Variants in RCAN2 observed in about 807,000 individuals in gnomAD.
RCAN2 encodes the protein regulator of calcineurin 2.
In RCAN2, 9 loss-of-function variants were observed where a neutral mutation model predicts 23.6. The ratio of observed to expected loss-of-function variants is 0.38; its 90% CI spans 0.23 to 0.67. RCAN2 has a LOEUF of 0.67. RCAN2 is among the 30% of genes least tolerant of loss of function. RCAN2 has a pLI of 0.51. For synonymous variants in RCAN2, 109 were observed against 115.7 expected (o/e 0.94, Z 0.37); for missense variants, 273 against 302.3 (o/e 0.90, Z 0.72).
rs1390349839 is a variant in RCAN2 at position 46,221,103 on chromosome 6, T to G, written c.*2038A>C. The G allele has an allele frequency of 6.6e-6, 1 of 152,498 alleles. No individual in the cohort carries two copies. The highest frequency in any genetic ancestry group is 2.4e-5 in the African/African-American group (1 of 41,460). The allele number at this position is 152,498 out of a possible 1,614,324, so 9.4% of individuals were successfully genotyped here. A position where few individuals can be genotyped will look rare whatever the true frequency, so the allele number is the denominator to read the frequency against. On this transcript the variant is annotated 3_prime_UTR_variant, in exon 5 of 5. Coordinates refer to ENST00000371374, the MANE Select transcript of RCAN2 (RefSeq NM_001251974.2). ...CTAACTCCAGAGGCCATACACTTCA[T>G]TGTGTTTCTTTTATGACTACACAGA...
chr6:46,482,673 T>A (rs1427318982), intron 1 of RCAN2, among the ~76,000 whole-genome samples: 3 of 152,190 alleles, frequency 2.0e-5, no homozygotes, highest in Non-Finnish European at 4.4e-5. Flanking sequence ...ATATTTCTAG[T>A]TTTACTCAGA....
rs554990496 is a variant in RCAN2 at position 46,317,048 on chromosome 6, C to T, written c.226-68152G>A. Among the ~76,000 whole-genome samples, 5 of 152,220 alleles carry T rather than the reference C, an allele frequency of 3.3e-5. No individual in the cohort carries two copies. The South Asian group carries it at 8.3e-4, about 25-fold the overall frequency. On this transcript the variant is annotated intron_variant, in intron 2 of 4. Coordinates refer to ENST00000371374, the MANE Select transcript of RCAN2 (RefSeq NM_001251974.2). ...AATATTATTAATATTGCTTTCACTG[C>T]CTCTGCCCTACAATTCTTCACAGAT...
At chr6:46,402,908 A>C (rs1005614550) in intron 2 of RCAN2, among the ~76,000 whole-genome samples, 2 of 151,792 alleles carry the variant, frequency 1.3e-5, no homozygotes, top group Non-Finnish European at 2.9e-5. Flanking sequence ...GCAGACTTTC[A>C]CAGTGCCAAG....
At chr6:46,382,630 C>T (rs1032325007) in intron 2 of RCAN2, among the ~76,000 whole-genome samples, 5 of 152,136 alleles carry the variant, frequency 3.3e-5, no homozygotes, top group Admixed American at 6.6e-5. Context: ...ATAATAAAAG[C>T]GCTCCAATGC....
chr6:46,279,523 T>C (rs531830632), intron 2 of RCAN2, among the ~76,000 whole-genome samples: 30 of 152,350 alleles, frequency 2.0e-4, no homozygotes, highest in African/African-American at 5.8e-4. Context: ...TGTTTGCAGA[T>C]ACTCTCAAAT....
At chr6:46,269,179 A>C (rs1000940043) in intron 2 of RCAN2, among the ~76,000 whole-genome samples, 105 of 152,334 alleles carry the variant, frequency 6.9e-4, no homozygotes, top group African/African-American at 2.5e-3. Flanking sequence ...AGTTGGATAT[A>C]GAATTTCTTG....
At chr6:46,233,721 C>CTTTTTTTTTTTTTTTTT (rs1240948992) in intron 4 of RCAN2, among the ~76,000 whole-genome samples, 2 of 130,770 alleles carry the variant, frequency 1.5e-5, no homozygotes, top group Non-Finnish European at 3.2e-5. Context: ...AAGAACACTT[C>CTTTTTTTTTTTTTTTTT]TTTTTTTTTT....
chr6:46,327,648 G>T (rs933391687), intron 2 of RCAN2, among the ~76,000 whole-genome samples: 1 of 152,112 alleles, frequency 6.6e-6, no homozygotes, highest in East Asian at 1.9e-4. Flanking sequence ...ACAAAGAAAT[G>T]AATATTTTTT....
At chr6:46,326,405 G>T (rs1470216337) in intron 2 of RCAN2, among the ~76,000 whole-genome samples, 1 of 152,158 alleles carries the variant, frequency 6.6e-6, no homozygotes, top group African/African-American at 2.4e-5. Context: ...GATCCTCGGG[G>T]CTTGACTTCA....
chr6:46,391,339 C>T (rs779030298), intron 2 of RCAN2, among the ~76,000 whole-genome samples: 2 of 152,122 alleles, frequency 1.3e-5, no homozygotes, highest in Non-Finnish European at 1.5e-5. Flanking sequence ...TGGAACATAA[C>T]GAGCTCTCAA....
chr6:46,347,404 C>T (rs1034430255), intron 2 of RCAN2, among the ~76,000 whole-genome samples: 2 of 152,060 alleles, frequency 1.3e-5, no homozygotes, highest in African/African-American at 4.8e-5. Flanking sequence ...AATACCATGC[C>T]CTTTACATTA....
intron 1 of RCAN2, among the ~76,000 whole-genome samples, chr6:46,467,843 A>C (rs1326703321): frequency 1.3e-5 from 2 of 152,226 alleles, no homozygotes; most frequent in African/African-American, 4.8e-5. Flanking sequence ...GTACCTCCAC[A>C]GTGAAAAAAT....
At chr6:46,264,685 T>A (rs1412232878) in intron 2 of RCAN2, among the ~76,000 whole-genome samples, 9 of 152,098 alleles carry the variant, frequency 5.9e-5, no homozygotes, top group African/African-American at 2.2e-4. Flanking sequence ...AACATGACAG[T>A]CTACATCTAT....
chr6:46,474,271 A>G (rs1224134136), intron 1 of RCAN2, among the ~76,000 whole-genome samples: 2 of 152,086 alleles, frequency 1.3e-5, no homozygotes. Flanking sequence ...TATTGAGCAA[A>G]TATATACAGA....
chr6:46,402,796 C>T (rs191917217), intron 2 of RCAN2, among the ~76,000 whole-genome samples: 80 of 152,252 alleles, frequency 5.3e-4, no homozygotes, highest in Non-Finnish European at 3.4e-4. Flanking sequence ...ACAGTTTCCC[C>T]CATATCTTTG....
At chr6:46,257,445 T>C (rs1766955814) in intron 2 of RCAN2, among the ~76,000 whole-genome samples, 1 of 152,146 alleles carries the variant, frequency 6.6e-6, no homozygotes, top group Middle Eastern at 3.2e-3. Flanking sequence ...AAAAGAAGTT[T>C]AATTGACTCA....
At chr6:46,368,821 T>A (rs889315435) in intron 2 of RCAN2, among the ~76,000 whole-genome samples, 35 of 152,202 alleles carry the variant, frequency 2.3e-4, no homozygotes, top group Non-Finnish European at 5.0e-4. Context: ...GAACATTCAC[T>A]TTATAAAGTA....
chr6:46,254,717 C>T (rs1013370361), intron 2 of RCAN2, among the ~76,000 whole-genome samples: 2 of 152,062 alleles, frequency 1.3e-5, no homozygotes, highest in Non-Finnish European at 2.9e-5. Flanking sequence ...GTCTGAACCC[C>T]AGGACCTCAG....
intron 2 of RCAN2, among the ~76,000 whole-genome samples, chr6:46,317,744 C>T (rs762405575): frequency 7.2e-5 from 11 of 152,264 alleles, no homozygotes; most frequent in South Asian, 4.1e-4. Context: ...GGATTACAGG[C>T]GTAAGGCACC....
Sources: allele counts gnomAD v4.1 joint callset (sites outside exome capture counted in the v4.1 genomes callset), GRCh38; gene constraint gnomAD v4.1.1; transcripts MANE v1.5; gene names NCBI Gene and HGNC (gene_info 2026-07-23, HGNC 2026-07-21).